XPR1: variants seen among roughly 807,000 people sequenced by gnomAD.
XPR1 encodes xenotropic and polytropic retrovirus receptor 1, also known as solute carrier family 53 member 1.
Under a neutral mutation model 87.5 loss-of-function variants are expected in XPR1, and 28 were observed. The observed-to-expected ratio is 0.32, with a 90% confidence interval of 0.24 to 0.44. The LOEUF (loss-of-function observed/expected upper bound fraction) is 0.44, where lower values mean the gene tolerates loss of function less well. XPR1 is among the 20% of genes least tolerant of loss of function. The pLI, the probability that XPR1 is intolerant of heterozygous loss-of-function variation, is 1.00. For synonymous variants in XPR1, 300 were observed against 306.1 expected (o/e 0.98, Z 0.21); for missense variants, 559 against 862.3 (o/e 0.65, Z 4.41).
intron 2 of XPR1, among the ~76,000 whole-genome samples, chr1:180,741,433 T>C (rs1006745308): frequency 4.6e-5 from 7 of 152,230 alleles, no homozygotes; most frequent in Admixed American, 2.6e-4. Flanking sequence ...CCCAAAAGGC[T>C]AGGATTACAG....
chr1:180,734,914 A>G (rs1658679760), intron 2 of XPR1, among the ~76,000 whole-genome samples: 1 of 152,232 alleles, frequency 6.6e-6, no homozygotes, highest in Non-Finnish European at 1.5e-5. Flanking sequence ...CAAGGATGTC[A>G]TTATGTTACC....
chr1:180,799,348 T>G lies in XPR1; in HGVS notation c.224-4040T>G, dbSNP rs376847566. On this transcript the variant is annotated intron_variant, in intron 3 of 14. Coordinates refer to ENST00000367590, the MANE Select transcript of XPR1 (RefSeq NM_004736.4). ...TTATGTTGGGGACTTATGGCCTCAT[T>G]ATTGTATCCTGTAAAACAGAACCCC... 2.1e-3 allele frequency among the ~76,000 whole-genome samples: 326 copies of G among 152,340 alleles called. 2 individuals are homozygous for G. The highest frequency in any genetic ancestry group is 7.4e-3 in the African/African-American group (306 of 41,584).
chr1:180,828,273 A>G (rs1168749651), intron 9 of XPR1, among the ~76,000 whole-genome samples: 1 of 152,218 alleles, frequency 6.6e-6, no homozygotes, highest in Non-Finnish European at 1.5e-5. Flanking sequence ...TGGAATTGAT[A>G]TATGCTATGC....
intron 13 of XPR1, among the ~76,000 whole-genome samples, chr1:180,879,447 C>T (rs1438809602): frequency 6.6e-6 from 1 of 152,204 alleles, no homozygotes; most frequent in African/African-American, 2.4e-5. Context: ...TCATTATCTC[C>T]TGCTATTTTA....
chr1:180,712,189 T>C (rs1657823412), intron 2 of XPR1, among the ~76,000 whole-genome samples: 1 of 152,212 alleles, frequency 6.6e-6, no homozygotes, highest in South Asian at 2.1e-4. Context: ...GTCAGCATCA[T>C]TACTCTTGCC....
At chr1:180,849,589 G>A (rs1348650907) in intron 11 of XPR1, among the ~76,000 whole-genome samples, 4 of 152,194 alleles carry the variant, frequency 2.6e-5, no homozygotes, top group Non-Finnish European at 4.4e-5. Context: ...CAGATGTGGT[G>A]TTGAGCAAAT....
At chr1:180,800,703 A>G (rs1649749017) in intron 3 of XPR1, among the ~76,000 whole-genome samples, 1 of 152,238 alleles carries the variant, frequency 6.6e-6, no homozygotes, top group Admixed American at 6.5e-5. Context: ...TAATCTTTGC[A>G]AAGTCTGGAT....
At chr1:180,648,301 C>A (rs1410432880) in intron 1 of XPR1, among the ~76,000 whole-genome samples, 2 of 152,208 alleles carry the variant, frequency 1.3e-5, no homozygotes, top group Non-Finnish European at 1.5e-5. Flanking sequence ...AGGTCTGTCT[C>A]TGCCATTAAG....
intron 2 of XPR1, among the ~76,000 whole-genome samples, chr1:180,693,913 G>A (rs1213133214): frequency 6.6e-6 from 1 of 151,970 alleles, no homozygotes; most frequent in Non-Finnish European, 1.5e-5. Flanking sequence ...TTTGGTGGAG[G>A]GGAAGGAACA....
At chr1:180,754,105 A>G (rs371999020) in intron 2 of XPR1, among the ~76,000 whole-genome samples, 91 of 152,204 alleles carry the variant, frequency 6.0e-4, no homozygotes, top group African/African-American at 2.1e-3. Flanking sequence ...ACCTAGTTTC[A>G]TTTTCTTCAT....
chr1:180,656,348 T>TAATATTTATATATA lies in XPR1; in HGVS notation c.69+24078_69+24079insAATATTTATATATA, dbSNP rs1553232929. Among the ~76,000 whole-genome samples, 3 of 106,358 alleles carry TAATATTTATATATA rather than the reference T, an allele frequency of 2.8e-5. No individual in the cohort carries two copies. The East Asian group carries it at 1.3e-3, about 47-fold the overall frequency. 69.8% of individuals were successfully genotyped at this position (106,358 alleles called of 152,430 possible). A position where few individuals can be genotyped will look rare whatever the true frequency, so the allele number is the denominator to read the frequency against. On this transcript the variant is annotated intron_variant, in intron 1 of 14. Transcript: ENST00000367590. ...ATTTATATATATAATATTTATATAT[T>TAATATTTATATATA]TAATATTTATATATATAATATTTAT...
chr1:180,719,153 A>G (rs1470590908), intron 2 of XPR1, among the ~76,000 whole-genome samples: 1 of 152,260 alleles, frequency 6.6e-6, no homozygotes, highest in Non-Finnish European at 1.5e-5. Flanking sequence ...CCTGGGATAT[A>G]TAAATACCAA....
chr1:180,652,683 G>C (rs754903169), intron 1 of XPR1, among the ~76,000 whole-genome samples: 3 of 152,124 alleles, frequency 2.0e-5, no homozygotes, highest in Non-Finnish European at 4.4e-5. Flanking sequence ...CTTTGATCAA[G>C]ACAAACCAAA....
chr1:180,806,886 A>G (rs1382580466), intron 6 of XPR1, among the ~76,000 whole-genome samples: 6 of 151,902 alleles, frequency 3.9e-5, no homozygotes, highest in Non-Finnish European at 7.4e-5. Flanking sequence ...CTTACTCCAA[A>G]AAAGCATTTA....
At chr1:180,651,322 C>A (rs1231387665) in intron 1 of XPR1, among the ~76,000 whole-genome samples, 1 of 152,112 alleles carries the variant, frequency 6.6e-6, no homozygotes, top group Non-Finnish European at 1.5e-5. Flanking sequence ...GAACTCCTGA[C>A]CTCAGGTCAT....
At chr1:180,753,329 C>A (rs1307449287) in intron 2 of XPR1, among the ~76,000 whole-genome samples, 1 of 152,042 alleles carries the variant, frequency 6.6e-6, no homozygotes, top group Non-Finnish European at 1.5e-5. Flanking sequence ...GTTTGGGAGG[C>A]CAGGGCTGGC....
At chr1:180,693,233 A>G (rs774780043) in intron 2 of XPR1, among the ~76,000 whole-genome samples, 2 of 152,196 alleles carry the variant, frequency 1.3e-5, no homozygotes, top group African/African-American at 4.8e-5. Context: ...GTTCAAAGTA[A>G]GGGAAGTTCC....
intron 2 of XPR1, among the ~76,000 whole-genome samples, chr1:180,729,625 T>TA (rs1205847846): frequency 6.6e-6 from 1 of 152,204 alleles, no homozygotes; most frequent in East Asian, 1.9e-4. Flanking sequence ...CTCATTGTGG[T>TA]TTTCATTTGC....
chr1:180,726,699 A>T (rs1002875579), intron 2 of XPR1, among the ~76,000 whole-genome samples: 2 of 1,254 alleles, frequency 1.6e-3, no homozygotes, highest in African/African-American at 8.1e-3. Context: ...TCCAGCTTCT[A>T]TTAACCCAGA....
Sources: gnomAD v4.1 joint callset for allele counts (sites outside exome capture counted in the v4.1 genomes callset) on GRCh38, gnomAD v4.1.1 for gene constraint, MANE v1.5 for transcripts, NCBI Gene and HGNC (gene_info 2026-07-23, HGNC 2026-07-21) for gene names.